Variants in MTERF4 observed in about 807,000 individuals in gnomAD.
MTERF4 encodes transcription termination factor 4, mitochondrial.
In MTERF4, 17 loss-of-function variants were observed where a neutral mutation model predicts 22.5. That is an observed-to-expected ratio of 0.75 (90% CI 0.52 to 1.13). The LOEUF (loss-of-function observed/expected upper bound fraction) is 1.13. MTERF4 is among the 50% of genes most tolerant of loss of function. MTERF4 has a pLI of 0.00. For synonymous variants in MTERF4, 165 were observed against 175.3 expected (o/e 0.94, Z 0.47); for missense variants, 420 against 466.8 (o/e 0.90, Z 0.92).
the MTERF4 span, among the ~76,000 whole-genome samples, chr2:241,052,979 A>C: frequency 6.6e-6 from 1 of 152,142 alleles, no homozygotes; most frequent in African/African-American, 2.4e-5. Flanking sequence ...GAATGGGAAG[A>C]AGGAAACGTA....
At position 241,099,883 on chromosome 2, in the gene MTERF4, C is replaced by G; in HGVS notation, c.33G>C (p.Trp11Cys). Residue 11 changes from tryptophan to cysteine, a missense_variant, in exon 2 of 4, where the codon TGG (tryptophan) becomes TGC (cysteine). Physicochemically the swap from Trp to Cys is radical, Grantham distance 215 (BLOSUM62 -2). Coordinates refer to ENST00000391980, the MANE Select transcript of MTERF4 (RefSeq NM_182501.4). ...CCCAGGTGAGGGGGATCAGGCGGTG[C>G]CAATCAAGGACCTGTAAGACACAGG... MAAFGRQVLD[W>C]HRLIPLTWAC... is the part of the protein sequence containing the mutation. 1 of 1,612,182 alleles carries G rather than the reference C, an allele frequency of 6.2e-7. No homozygotes were observed. The highest frequency in any genetic ancestry group is 8.5e-7 in the Non-Finnish European group (1 of 1,179,972).
the MTERF4 span, chr2:241,063,431 G>T: frequency 1.5e-6 from 1 of 656,016 alleles, no homozygotes; most frequent in Non-Finnish European, 2.8e-6. Flanking sequence ...GGAGGGGTGG[G>T]TTTGGGGCTG....
downstream of MTERF4, chr2:241,095,422 A>G (rs967159251): frequency 2.6e-5 from 4 of 152,932 alleles, no homozygotes; most frequent in Non-Finnish European, 5.9e-5. Context: ...AAAATTAACC[A>G]GTACATCATG....
downstream of MTERF4, chr2:241,069,061 C>T (rs952170281): frequency 5.4e-5 from 75 of 1,400,928 alleles, 1 homozygote; most frequent in Admixed American, 2.5e-4. This position sits in a 1 kb window ranked among gnomAD's most constrained non-coding sequence, Gnocchi z 4.9. Context: ...CACGAAAGGC[C>T]GTCTTCTAGA....
chr2:241,064,804 G>C, the MTERF4 span: 19 of 1,429,244 alleles, frequency 1.3e-5, no homozygotes, highest in Non-Finnish European at 1.7e-5. This position sits in a 1 kb window ranked among gnomAD's most constrained non-coding sequence, Gnocchi z 7.0. Context: ...GGGACCCCTG[G>C]CCACGCCCCA....
exon 5 of MTERF4, chr2:241,072,346 G>T (rs73010041): frequency 7.8e-6 from 3 of 386,076 alleles, no homozygotes; most frequent in South Asian, 1.9e-5. Context: ...CAGGTGCCTT[G>T]GGCCCTTCCC....
downstream of MTERF4, chr2:241,089,496 C>T (rs577779436): frequency 2.8e-6 from 4 of 1,451,790 alleles, no homozygotes; most frequent in Non-Finnish European, 1.8e-6. Context: ...AGGTCTGGGC[C>T]GGAGCTCCGC....
At chr2:241,051,977 C>T in the MTERF4 span, 1 of 1,529,388 alleles carries the variant, frequency 6.5e-7, no homozygotes, top group African/African-American at 1.4e-5. This position sits in a 1 kb window ranked among gnomAD's most constrained non-coding sequence, Gnocchi z 4.7. Context: ...GGCCCCAGCT[C>T]TGGGATGTTG....
chr2:241,056,370 C>A, the MTERF4 span, among the ~76,000 whole-genome samples: 1 of 152,112 alleles, frequency 6.6e-6, no homozygotes, highest in African/African-American at 2.4e-5. Context: ...CCTGCCTCTG[C>A]CTCCCAAGCT....
chr2:241,081,669 G>C (rs745608493), intron 4 of MTERF4: 3 of 1,587,078 alleles, frequency 1.9e-6, no homozygotes, highest in Non-Finnish European at 2.6e-6. Flanking sequence ...CGTGACCTCT[G>C]TTTCCAGACG....
the MTERF4 span, among the ~76,000 whole-genome samples, chr2:241,058,897 C>G: frequency 6.6e-6 from 1 of 151,940 alleles, no homozygotes; most frequent in Admixed American, 6.6e-5. Context: ...TTGCAGTGAG[C>G]CAAGATCGCA....
downstream of MTERF4, chr2:241,090,074 G>C: frequency 6.6e-7 from 1 of 1,516,854 alleles, no homozygotes; most frequent in South Asian, 1.3e-5. Flanking sequence ...TTAGCTTACT[G>C]TAACTTTTTT....
chr2:241,054,403 A>G, the MTERF4 span, among the ~76,000 whole-genome samples: 1 of 152,222 alleles, frequency 6.6e-6, no homozygotes, highest in Non-Finnish European at 1.5e-5. Flanking sequence ...CCTCATCTCT[A>G]CAAAAAAATT....
the MTERF4 span, chr2:241,063,988 GC>G: frequency 1.3e-6 from 2 of 1,518,418 alleles, no homozygotes; most frequent in Non-Finnish European, 8.9e-7. Context: ...TGCAGCTTGG[GC>G]CCACTCTCTG....
the MTERF4 span, chr2:241,065,453 C>T: frequency 6.2e-7 from 1 of 1,612,910 alleles, no homozygotes; most frequent in African/African-American, 1.3e-5. Flanking sequence ...GCCGCACAGA[C>T]TTTGTGGACA....
At chr2:241,100,875 T>C (rs960939273) in intron 1 of MTERF4, among the ~76,000 whole-genome samples, 1 of 152,166 alleles carries the variant, frequency 6.6e-6, no homozygotes, top group African/African-American at 2.4e-5. Context: ...CTAACCCCTG[T>C]GTTGTTCAAG....
the MTERF4 span, chr2:241,053,425 GC>G: frequency 7.9e-7 from 1 of 1,267,502 alleles, no homozygotes; most frequent in Middle Eastern, 2.7e-4. Flanking sequence ...AAGCCTGGAT[GC>G]CCAGCTCTGA....
chr2:241,097,535 T>G (rs778055252), intron 2 of MTERF4, 108 bp from the exon 3 acceptor site: 135 of 1,043,098 alleles, frequency 1.3e-4, no homozygotes, highest in Non-Finnish European at 1.9e-4. Context: ...ACAAGGATCC[T>G]CTCCTTCCAC....
At chr2:241,093,827 A>C (rs2064206927), downstream of MTERF4, 1 of 152,436 alleles carries the variant, frequency 6.6e-6, no homozygotes, top group Admixed American at 6.5e-5. Flanking sequence ...GGCTTCCTTG[A>C]AAATACTCAA....
Sources: gnomAD v4.1 joint callset for allele counts (sites outside exome capture counted in the v4.1 genomes callset) on GRCh38, gnomAD v4.1.1 for gene constraint, Gnocchi (gnomAD v3.1) non-coding constraint, MANE v1.5 for transcripts, NCBI Gene and HGNC (gene_info 2026-07-23, HGNC 2026-07-21) for gene names.